Variants in ZC3H12C observed in about 807,000 individuals in gnomAD.
ZC3H12C encodes zinc finger CCCH-type containing 12C, also known as probable ribonuclease ZC3H12C.
In ZC3H12C, 20 loss-of-function variants were observed where a neutral mutation model predicts 76.3. That is an observed-to-expected ratio of 0.26 (90% CI 0.18 to 0.38). The LOEUF is 0.38. Among genes scored for constraint, ZC3H12C ranks in the 10% least tolerant of loss-of-function variants. The probability of loss-of-function intolerance (pLI) is 1.00; values close to 1 mark genes in which losing one functional copy is unlikely to be tolerated. For synonymous variants in ZC3H12C, 352 were observed against 399.6 expected (o/e 0.88, Z 1.42); for missense variants, 874 against 1,086.5 (o/e 0.80, Z 2.75).
intron 1 of ZC3H12C, among the ~76,000 whole-genome samples, chr11:110,123,529 A>C (rs1376381400): frequency 6.6e-6 from 1 of 152,226 alleles, no homozygotes; most frequent in Non-Finnish European, 1.5e-5. Flanking sequence ...CCTAAACAGA[A>C]TTGAAGGTTA....
At chr11:110,104,512 A>G (rs922458655) in intron 1 of ZC3H12C, among the ~76,000 whole-genome samples, 13 of 152,206 alleles carry the variant, frequency 8.5e-5, no homozygotes, top group African/African-American at 3.1e-4. Flanking sequence ...ACATGCTAAC[A>G]TTATATATTA....
intron 1 of ZC3H12C, among the ~76,000 whole-genome samples, chr11:110,114,730 T>G (rs1439303246): frequency 4.6e-5 from 7 of 152,212 alleles, no homozygotes; most frequent in East Asian, 1.9e-4. Context: ...CCCCAAGAAC[T>G]AAGGTATTTT....
chr11:110,152,836 A>T, intron 2 of ZC3H12C, 83 bp from the exon 3 acceptor site: 1 of 1,463,764 alleles, frequency 6.8e-7, no homozygotes, highest in South Asian at 1.2e-5. Flanking sequence ...GTAACTATGT[A>T]ATACTTTCTG....
chr11:110,120,097 C>T (rs1861627172), intron 1 of ZC3H12C, among the ~76,000 whole-genome samples: 1 of 152,174 alleles, frequency 6.6e-6, no homozygotes, highest in African/African-American at 2.4e-5. Context: ...TCTTAAAACA[C>T]ACTGCACTGA....
chr11:110,149,143 T>G (rs2134188021), intron 2 of ZC3H12C, among the ~76,000 whole-genome samples: 1 of 152,306 alleles, frequency 6.6e-6, no homozygotes, highest in Admixed American at 6.5e-5. Context: ...TGGATCTTGA[T>G]GCCTGACACA....
intron 1 of ZC3H12C, among the ~76,000 whole-genome samples, chr11:110,115,583 G>A (rs1210384084): frequency 1.3e-5 from 2 of 151,890 alleles, no homozygotes; most frequent in Admixed American, 6.6e-5. Context: ...GATTACAGGC[G>A]TGAGCCTCCA....
intron 2 of ZC3H12C, among the ~76,000 whole-genome samples, chr11:110,140,051 C>T (rs1235223467): frequency 6.6e-6 from 1 of 152,152 alleles, no homozygotes; most frequent in South Asian, 2.1e-4. Context: ...CCTGTAATCC[C>T]AGCACTTTGG....
intron 2 of ZC3H12C, among the ~76,000 whole-genome samples, chr11:110,149,470 G>A (rs542691225): frequency 1.3e-5 from 2 of 152,288 alleles, no homozygotes; most frequent in African/African-American, 4.8e-5. Context: ...CTTTATGGAA[G>A]TATTGCCAAA....
chr11:110,127,948 A>G (rs1861783224), intron 1 of ZC3H12C, among the ~76,000 whole-genome samples: 2 of 151,958 alleles, frequency 1.3e-5, no homozygotes, highest in Non-Finnish European at 2.9e-5. Context: ...CAGGAAGTGA[A>G]CTCAGATCAC....
intron 1 of ZC3H12C, among the ~76,000 whole-genome samples, chr11:110,116,011 C>T (rs557939706): frequency 6.0e-5 from 9 of 151,178 alleles, no homozygotes; most frequent in African/African-American, 1.9e-4. Context: ...CCATCTGCCT[C>T]AGCCTCCCAA....
At chr11:110,161,013 T>G (rs1035255356) in intron 4 of ZC3H12C, among the ~76,000 whole-genome samples, 12 of 148,606 alleles carry the variant, frequency 8.1e-5, no homozygotes, top group South Asian at 2.1e-4. Flanking sequence ...ATTTTTGTGT[T>G]TTTTTTTTTT....
In ZC3H12C at chr11:110,164,230, C is replaced by G. The variant is rs1261337320; in HGVS notation, c.1256-111C>G. ...GTAAAGAACAGAGTGACACTTAGCA[C>G]AGCTCCCATTTCTATCGTTGTCTCT... On this transcript the variant is annotated intron_variant, in intron 5 of 5. Coordinates refer to ENST00000278590, the MANE Select transcript of ZC3H12C (RefSeq NM_033390.2). The surrounding 1 kb of genome is among the most constrained non-coding windows in gnomAD (Gnocchi z 5.7). The G allele has an allele frequency of 1.2e-5, 12 of 962,882 alleles. No homozygotes were observed. Among genetic ancestry groups the G allele is most frequent in the African/African-American group, 1.7e-5 (1 of 60,516 alleles). 59.6% of individuals were successfully genotyped at this position (962,882 alleles called of 1,614,324 possible).
Position 110,159,344 on chromosome 11 carries a change from T to C in ZC3H12C, c.1002T>C (p.Tyr334=), listed in dbSNP as rs557218606. 1 of 1,614,080 alleles carries C rather than the reference T, an allele frequency of 6.2e-7. No homozygotes were observed. Among genetic ancestry groups the C allele is most frequent in the South Asian group, 1.1e-5 (1 of 91,020 alleles). ...TCCAGGGGAGGAGAGTGGTGTGCTA[T>C]GACGACAGGTTCATCGTGAAGCTGG... ...RRVQGRRVVC[Y]DDRFIVKLAF... is the part of the protein sequence containing the mutation. The change falls in exon 4 of 6, where the codon TAT becomes TAC. Residue 334 remains tyrosine, a synonymous_variant. Coordinates refer to ENST00000278590, the MANE Select transcript of ZC3H12C (RefSeq NM_033390.2).
chr11:110,125,317 GTGT>G (rs1321376067), intron 1 of ZC3H12C, among the ~76,000 whole-genome samples: 13 of 106,706 alleles, frequency 1.2e-4, no homozygotes, highest in Non-Finnish European at 2.2e-4. Context: ...GTGTGTGTGT[GTGT>G]GGTTTTTTTT....
intron 1 of ZC3H12C, among the ~76,000 whole-genome samples, chr11:110,104,126 C>T (rs1029215122): frequency 8.6e-5 from 13 of 151,762 alleles, no homozygotes; most frequent in African/African-American, 1.7e-4. Flanking sequence ...ATCTGCCTCC[C>T]GGGGCAGATG....
intron 1 of ZC3H12C, among the ~76,000 whole-genome samples, chr11:110,132,111 T>A (rs890580204): frequency 2.6e-5 from 4 of 152,230 alleles, no homozygotes; most frequent in African/African-American, 9.6e-5. Context: ...ACCATTTGGA[T>A]AACAACCAGA....
At chr11:110,147,807 G>C (rs1476714638) in intron 2 of ZC3H12C, among the ~76,000 whole-genome samples, 1 of 152,094 alleles carries the variant, frequency 6.6e-6, no homozygotes, top group South Asian at 2.1e-4. Context: ...CAGACTCCTT[G>C]TTCCTTCTTC....
chr11:110,164,507 C>T lies in ZC3H12C; in HGVS notation c.1422C>T (p.Thr474=), dbSNP rs569967322. 4.7e-5 allele frequency: 76 copies of T among 1,613,954 alleles called. 1 individual carries two copies. The Middle Eastern group carries it at 9.9e-4, about 21-fold the overall frequency. The change falls in exon 6 of 6, where the codon ACC becomes ACT. Residue 474 remains threonine, a synonymous_variant. Coordinates refer to ENST00000278590, the MANE Select transcript of ZC3H12C (RefSeq NM_033390.2). This position sits in a 1 kb window ranked among gnomAD's most constrained non-coding sequence, Gnocchi z 5.7. ...AAAGCAACAGTGTTCCTTGTAGCACCAAGGCTGATAGCACTTCTGATGTCA... is the reference window on the plus strand; with the variant it reads ...AAAGCAACAGTGTTCCTTGTAGCACTAAGGCTGATAGCACTTCTGATGTCA... ...LVKSNSVPCS[T]KADSTSDVKR... is the part of the protein sequence containing the mutation.
intron 1 of ZC3H12C, among the ~76,000 whole-genome samples, chr11:110,098,656 G>A (rs1227459019): frequency 3.9e-5 from 6 of 152,168 alleles, no homozygotes; most frequent in Non-Finnish European, 8.8e-5. Flanking sequence ...TCTATGCTTA[G>A]ATACACAAAG....
Sources: gnomAD v4.1 joint callset for allele counts (sites outside exome capture counted in the v4.1 genomes callset) on GRCh38, gnomAD v4.1.1 for gene constraint, Gnocchi (gnomAD v3.1) non-coding constraint, MANE v1.5 for transcripts, NCBI Gene and HGNC (gene_info 2026-07-23, HGNC 2026-07-21) for gene names.